EPHA3: variants seen among roughly 807,000 people sequenced by gnomAD.
EPHA3 encodes the protein EPH receptor A3, also known as ephrin type-A receptor 3.
In EPHA3, 42 loss-of-function variants were observed where a neutral mutation model predicts 107.1. The ratio of observed to expected loss-of-function variants is 0.39; its 90% CI spans 0.31 to 0.51. EPHA3 has a LOEUF of 0.51. Among genes scored for constraint, EPHA3 ranks in the 20% least tolerant of loss-of-function variants. The pLI is 0.78. For synonymous variants in EPHA3, 461 were observed against 424.8 expected (o/e 1.09, Z -1.05); for missense variants, 1,183 against 1,211.2 (o/e 0.98, Z 0.35).
At chr3:89,424,444 T>C (rs1559691076) in intron 11 of EPHA3, among the ~76,000 whole-genome samples, 1 of 151,416 alleles carries the variant, frequency 6.6e-6, no homozygotes, top group African/African-American at 2.4e-5. Context: ...AGTAAAACTT[T>C]AAAAGCATTT....
At chr3:89,112,444 T>C (rs1467866142) in intron 1 of EPHA3, among the ~76,000 whole-genome samples, 1 of 152,074 alleles carries the variant, frequency 6.6e-6, no homozygotes, top group African/African-American at 2.4e-5. Context: ...TTTGGTGTGT[T>C]CCTTAAGGGT....
chr3:89,429,017 T>A (rs539170570), intron 11 of EPHA3, 89 bp from the exon 12 acceptor site: 1 of 825,026 alleles, frequency 1.2e-6, no homozygotes, highest in African/African-American at 1.8e-5. Flanking sequence ...ATCTCTATAA[T>A]CCTCAGGTAA....
chr3:89,205,525 G>T (rs1480229820), intron 2 of EPHA3, among the ~76,000 whole-genome samples: 3 of 152,096 alleles, frequency 2.0e-5, no homozygotes, highest in Admixed American at 2.0e-4. Context: ...TCTTATACTT[G>T]AAATGATCCA....
At chr3:89,445,736 A>G (rs1342377190) in intron 13 of EPHA3, among the ~76,000 whole-genome samples, 2 of 152,238 alleles carry the variant, frequency 1.3e-5, no homozygotes, top group Non-Finnish European at 2.9e-5. Flanking sequence ...AAAAACCTGA[A>G]TGACACAAGT....
At chr3:89,365,011 GATA>G (rs1708161574) in intron 5 of EPHA3, among the ~76,000 whole-genome samples, 1 of 150,894 alleles carries the variant, frequency 6.6e-6, no homozygotes, top group Non-Finnish European at 1.5e-5. Flanking sequence ...TGTGGTGAGA[GATA>G]ATGATAATTG....
chr3:89,197,431 A>AAAAAC (rs1705863339), intron 2 of EPHA3, among the ~76,000 whole-genome samples: 2 of 7,350 alleles, frequency 2.7e-4, no homozygotes, highest in African/African-American at 6.1e-4. Flanking sequence ...ATAAAAACAT[A>AAAAAC]AAAAAAAAAT....
At chr3:89,389,636 G>C (rs1255357572) in intron 5 of EPHA3, among the ~76,000 whole-genome samples, 1 of 152,184 alleles carries the variant, frequency 6.6e-6, no homozygotes, top group Non-Finnish European at 1.5e-5. Flanking sequence ...TTAAGGAAGG[G>C]TCATATTTTA....
intron 5 of EPHA3, among the ~76,000 whole-genome samples, chr3:89,371,278 C>T (rs1051140449): frequency 1.5e-4 from 22 of 151,628 alleles, no homozygotes; most frequent in African/African-American, 5.3e-4. Context: ...TCTACTTGAG[C>T]ACATTTAAAC....
intron 2 of EPHA3, among the ~76,000 whole-genome samples, chr3:89,175,158 T>G: frequency 6.6e-6 from 1 of 151,856 alleles, no homozygotes. Flanking sequence ...GAATGTTACC[T>G]TTGAAAATAG....
At chr3:89,231,505 T>C (rs1328556921) in intron 3 of EPHA3, among the ~76,000 whole-genome samples, 2 of 152,180 alleles carry the variant, frequency 1.3e-5, no homozygotes, top group Non-Finnish European at 2.9e-5. Context: ...AGCTCCTAAT[T>C]GTGTTGTCAC....
chr3:89,425,636 T>C (rs561774180), intron 11 of EPHA3, among the ~76,000 whole-genome samples: 2 of 151,668 alleles, frequency 1.3e-5, no homozygotes, highest in East Asian at 3.9e-4. Context: ...AAACAGTTTG[T>C]TTGAATGAAA....
intron 5 of EPHA3, among the ~76,000 whole-genome samples, chr3:89,393,866 C>T (rs573339498): frequency 2.5e-3 from 378 of 152,036 alleles, no homozygotes; most frequent in Non-Finnish European, 4.0e-3. Context: ...GAAGCTTCAA[C>T]TAAAGTATAA....
chr3:89,254,179 A>G (rs2107268136), intron 3 of EPHA3, among the ~76,000 whole-genome samples: 1 of 152,286 alleles, frequency 6.6e-6, no homozygotes, highest in East Asian at 1.9e-4. Context: ...GTAACAATAT[A>G]AATCTCTATA....
At chr3:89,361,392 G>A (rs1258241411) in intron 5 of EPHA3, among the ~76,000 whole-genome samples, 2 of 150,594 alleles carry the variant, frequency 1.3e-5, no homozygotes, top group African/African-American at 4.8e-5. Context: ...TTACCCCAGT[G>A]GCCCTTATAA....
chr3:89,236,705 C>T (rs1704773407), intron 3 of EPHA3, among the ~76,000 whole-genome samples: 12 of 151,220 alleles, frequency 7.9e-5, no homozygotes, highest in Admixed American at 7.9e-4. Context: ...GCATTGTGCA[C>T]ATGTACCCTA....
At chr3:89,436,600 A>T (rs543844598) in intron 13 of EPHA3, among the ~76,000 whole-genome samples, 19 of 152,374 alleles carry the variant, frequency 1.2e-4, no homozygotes, top group Non-Finnish European at 2.2e-4. Flanking sequence ...GTTTTAAAAC[A>T]TCTCTGTGAG....
At chr3:89,250,555 A>T (rs1190557220) in intron 3 of EPHA3, among the ~76,000 whole-genome samples, 3 of 152,174 alleles carry the variant, frequency 2.0e-5, no homozygotes, top group Admixed American at 6.5e-5. Context: ...AAACTTGGTT[A>T]TCCAGAATCC....
intron 3 of EPHA3, among the ~76,000 whole-genome samples, chr3:89,296,531 T>C (rs1158731748): frequency 1.3e-5 from 2 of 152,192 alleles, no homozygotes; most frequent in East Asian, 1.9e-4. Flanking sequence ...AAGTAACCCA[T>C]GCTGTAAACA....
intron 3 of EPHA3, among the ~76,000 whole-genome samples, chr3:89,231,966 C>T (rs1482077193): frequency 1.3e-5 from 2 of 152,074 alleles, no homozygotes; most frequent in African/African-American, 2.4e-5. Flanking sequence ...AGTTCTTTTT[C>T]GTCTTCCTTC....
Sources: gnomAD v4.1 joint callset for allele counts (sites outside exome capture counted in the v4.1 genomes callset) on GRCh38, gnomAD v4.1.1 for gene constraint, MANE v1.5 for transcripts, NCBI Gene and HGNC (gene_info 2026-07-23, HGNC 2026-07-21) for gene names.